Variants in FBXL13 observed in about 807,000 individuals in gnomAD.
FBXL13 encodes the protein F-box and leucine-rich repeat protein 13.
A neutral mutation model predicts 83.6 loss-of-function variants in FBXL13; 67 were observed. That is an observed-to-expected ratio of 0.80 (90% confidence interval 0.66 to 0.98). The LOEUF (loss-of-function observed/expected upper bound fraction) is 0.98, where lower values mean the gene tolerates loss of function less well. FBXL13 is among the 50% of genes least tolerant of loss of function. The pLI is 0.00. For synonymous variants in FBXL13, 272 were observed against 299.5 expected (o/e 0.91, Z 0.95); for missense variants, 822 against 866.5 (o/e 0.95, Z 0.64).
intron 19 of FBXL13, among the ~76,000 whole-genome samples, chr7:102,815,931 T>G (rs1275072003): frequency 6.6e-6 from 1 of 152,182 alleles, no homozygotes; most frequent in African/African-American, 2.4e-5. Flanking sequence ...GAATGCTGAC[T>G]CCTTAATATA....
chr7:102,963,430 T>C, intron 8 of FBXL13, 103 bp downstream of exon 9: 1 of 1,414,886 alleles, frequency 7.1e-7, no homozygotes, highest in Non-Finnish European at 9.6e-7. Context: ...CCTTATGACC[T>C]AAAACTGTCA....
intron 17 of FBXL13, among the ~76,000 whole-genome samples, chr7:102,845,607 T>C (rs1803800724): frequency 6.6e-6 from 1 of 152,166 alleles, no homozygotes; most frequent in Non-Finnish European, 1.5e-5. Flanking sequence ...TCATCCCTCA[T>C]CTGAACTATC....
intron 6 of FBXL13, among the ~76,000 whole-genome samples, chr7:103,003,218 C>T (rs887023315): frequency 6.7e-6 from 1 of 149,528 alleles, no homozygotes; most frequent in African/African-American, 2.5e-5. Flanking sequence ...TCAGCAAATG[C>T]ATTTCTCAGT....
At chr7:103,013,150 C>A (rs769688453) in intron 6 of FBXL13, among the ~76,000 whole-genome samples, 3 of 152,168 alleles carry the variant, frequency 2.0e-5, no homozygotes, top group Non-Finnish European at 2.9e-5. Context: ...TCCTAGGGAC[C>A]TACAAAGAGA....
intron 19 of FBXL13, among the ~76,000 whole-genome samples, chr7:102,819,703 C>T (rs758076274): frequency 4.6e-5 from 7 of 152,182 alleles, no homozygotes; most frequent in Non-Finnish European, 1.0e-4. Context: ...AAAAATCTCT[C>T]TTATCCCACC....
chr7:102,839,994 T>C (rs1802641796), intron 17 of FBXL13, among the ~76,000 whole-genome samples: 1 of 152,172 alleles, frequency 6.6e-6, no homozygotes. Flanking sequence ...ACACCTTTGG[T>C]TGCCAGTAAA....
chr7:103,024,131 T>TG (rs1793546429), intron 6 of FBXL13, among the ~76,000 whole-genome samples: 1 of 49,668 alleles, frequency 2.0e-5, no homozygotes, highest in Non-Finnish European at 5.4e-5. Context: ...AAATAAAAGT[T>TG]AAAAAGAGAG....
chr7:102,995,871 A>G (rs527654065), intron 6 of FBXL13, among the ~76,000 whole-genome samples: 95 of 152,314 alleles, frequency 6.2e-4, no homozygotes, highest in Middle Eastern at 3.4e-3. Context: ...TAAAATGCAA[A>G]AACTGGCAAT....
intron 16 of FBXL13, among the ~76,000 whole-genome samples, chr7:102,872,866 C>T (rs1241468230): frequency 1.3e-5 from 2 of 152,166 alleles, no homozygotes; most frequent in African/African-American, 4.8e-5. Flanking sequence ...GGCAAATTGA[C>T]ATATTTCCTC....
chr7:102,892,405 A>C (rs1218458333), intron 11 of FBXL13, among the ~76,000 whole-genome samples: 2 of 152,228 alleles, frequency 1.3e-5, no homozygotes, highest in Admixed American at 6.5e-5. Context: ...GAATAATTTT[A>C]ACAACCATTT....
chr7:102,944,128 A>T, intron 8 of FBXL13: 1 of 1,102,142 alleles, frequency 9.1e-7, no homozygotes, highest in Non-Finnish European at 1.3e-6. Context: ...GCCTCTTTTT[A>T]AAATTTGTAT....
At chr7:103,023,850 A>G (rs1428593795) in intron 6 of FBXL13, among the ~76,000 whole-genome samples, 1 of 152,172 alleles carries the variant, frequency 6.6e-6, no homozygotes, top group South Asian at 2.1e-4. Context: ...GGAGACCATT[A>G]TCCTAGGCAA....
intron 9 of FBXL13, among the ~76,000 whole-genome samples, chr7:102,926,943 TAAA>T (rs1818252782): frequency 2.6e-5 from 4 of 152,100 alleles, no homozygotes; most frequent in African/African-American, 9.7e-5. Context: ...ATGGCTAAAA[TAAA>T]ATAGAGGCTA....
intron 11 of FBXL13, among the ~76,000 whole-genome samples, chr7:102,903,948 T>TTTTTTTTTTTTTTTTTTTTA (rs1813352943): frequency 7.0e-6 from 1 of 143,332 alleles, no homozygotes; most frequent in Non-Finnish European, 1.5e-5. Context: ...TCTTTTTTTT[T>TTTTTTTTTTTTTTTTTTTTA]TTTTTTTTTT....
chr7:102,980,151 A>G (rs147538504), intron 6 of FBXL13, among the ~76,000 whole-genome samples: 81 of 152,370 alleles, frequency 5.3e-4, no homozygotes, highest in African/African-American at 1.9e-3. Flanking sequence ...AGGAGTCACA[A>G]GTAGCCAAAA....
At chr7:102,961,147 C>A (rs1825129906) in intron 8 of FBXL13, among the ~76,000 whole-genome samples, 1 of 151,202 alleles carries the variant, frequency 6.6e-6, no homozygotes, top group Non-Finnish European at 1.5e-5. Flanking sequence ...TCTCAGGATA[C>A]AAAATCAATG....
chr7:102,862,670 AAC>A (rs2129453265), intron 16 of FBXL13, among the ~76,000 whole-genome samples: 2 of 152,324 alleles, frequency 1.3e-5, no homozygotes, highest in South Asian at 4.1e-4. Flanking sequence ...TACATAGATG[AAC>A]AGTTTTACTT....
chr7:103,048,871 T>G (rs549908714), intron 2 of FBXL13, among the ~76,000 whole-genome samples: 1 of 152,252 alleles, frequency 6.6e-6, no homozygotes, highest in African/African-American at 2.4e-5. Context: ...TACATTCCCA[T>G]GCATTCTTAT....
At chr7:102,901,569 AG>A (rs1184396908) in intron 11 of FBXL13, among the ~76,000 whole-genome samples, 11 of 152,264 alleles carry the variant, frequency 7.2e-5, no homozygotes, top group African/African-American at 2.4e-4. Context: ...TATCCTTCCC[AG>A]CCTCTGGTAA....
Sources: gnomAD v4.1 joint callset for allele counts (sites outside exome capture counted in the v4.1 genomes callset) on GRCh38, gnomAD v4.1.1 for gene constraint, MANE v1.5 for transcripts, NCBI Gene and HGNC (gene_info 2026-07-23, HGNC 2026-07-21) for gene names.